Variants in DAB1 observed in about 807,000 individuals in gnomAD.
DAB1 encodes disabled homolog 1.
Under a neutral mutation model 64.6 loss-of-function variants are expected in DAB1, and 15 were observed. The observed-to-expected ratio is 0.23, with a 90% CI of 0.16 to 0.36. The LOEUF is 0.36. Among genes scored for constraint, DAB1 ranks in the 10% least tolerant of loss-of-function variants. The pLI is 1.00. For synonymous variants in DAB1, 235 were observed against 251.9 expected (o/e 0.93, Z 0.64); for missense variants, 596 against 706.7 (o/e 0.84, Z 1.78).
chr1:58,326,859 A>G (rs1426941260), intron 4 of DAB1, among the ~76,000 whole-genome samples: 1 of 151,798 alleles, frequency 6.6e-6, no homozygotes, highest in Non-Finnish European at 1.5e-5. Context: ...CATCCCAGAC[A>G]CTCTGCCAGA....
intron 5 of DAB1, among the ~76,000 whole-genome samples, chr1:58,030,400 A>C (rs144026934): frequency 4.6e-5 from 7 of 152,294 alleles, no homozygotes; most frequent in African/African-American, 1.7e-4. Flanking sequence ...ATTATTTTTA[A>C]GGTGAGGAGG....
chr1:58,011,265 A>C (rs1469376180), intron 5 of DAB1, among the ~76,000 whole-genome samples: 1 of 152,226 alleles, frequency 6.6e-6, no homozygotes, highest in Non-Finnish European at 1.5e-5. Context: ...GGTGGTAATA[A>C]GTATTCTTGT....
At chr1:57,927,121 C>T (rs1162058228) in intron 5 of DAB1, among the ~76,000 whole-genome samples, 1 of 152,154 alleles carries the variant, frequency 6.6e-6, no homozygotes, top group Non-Finnish European at 1.5e-5. Flanking sequence ...ATGATGACCA[C>T]CTTATGACCA....
chr1:57,488,616 C>T (rs974541295), intron 7 of DAB1, among the ~76,000 whole-genome samples: 7 of 151,568 alleles, frequency 4.6e-5, no homozygotes, highest in Non-Finnish European at 7.4e-5. Flanking sequence ...GTGGAGGTTG[C>T]GGTGAGCCAA....
At chr1:57,984,893 GA>G (rs1215191321) in intron 5 of DAB1, among the ~76,000 whole-genome samples, 3 of 149,582 alleles carry the variant, frequency 2.0e-5, no homozygotes, top group Non-Finnish European at 3.0e-5. Flanking sequence ...AAATTGCATT[GA>G]AAACCTGCTT....
chr1:58,440,888 G>A (rs778664260), intron 3 of DAB1, among the ~76,000 whole-genome samples: 1 of 152,188 alleles, frequency 6.6e-6, no homozygotes, highest in Non-Finnish European at 1.5e-5. Flanking sequence ...GTAACATCAA[G>A]AAAAGGGAAG....
intron 6 of DAB1, among the ~76,000 whole-genome samples, chr1:57,681,503 A>G (rs112969251): frequency 9.8e-5 from 15 of 152,296 alleles, no homozygotes; most frequent in African/African-American, 3.6e-4. Flanking sequence ...ATATTAGGAA[A>G]AGTGAATGGA....
At chr1:58,457,574 G>C (rs565351950) in intron 3 of DAB1, among the ~76,000 whole-genome samples, 265 of 152,292 alleles carry the variant, frequency 1.7e-3, no homozygotes, top group African/African-American at 6.3e-3. Flanking sequence ...AACACGGAAG[G>C]CAGTTCGTTG....
intron 4 of DAB1, among the ~76,000 whole-genome samples, chr1:58,234,175 C>T (rs2100358852): frequency 6.6e-6 from 1 of 152,334 alleles, no homozygotes; most frequent in South Asian, 2.1e-4. Flanking sequence ...CGTTCTTTTC[C>T]TAACTCATGC....
chr1:57,038,108 C>T (rs908476725), intron 9 of DAB1, among the ~76,000 whole-genome samples: 1 of 152,154 alleles, frequency 6.6e-6, no homozygotes, highest in African/African-American at 2.4e-5. Context: ...AATAAACTTC[C>T]AGTTAATGGG....
At chr1:57,058,837 A>C (rs1268699288) in intron 9 of DAB1, among the ~76,000 whole-genome samples, 2 of 152,244 alleles carry the variant, frequency 1.3e-5, no homozygotes, top group Non-Finnish European at 2.9e-5. Flanking sequence ...AGCGGGAACT[A>C]TATTTCAGGC....
At chr1:57,431,145 A>ACACAC in intron 7 of DAB1, among the ~76,000 whole-genome samples, 5 of 121,200 alleles carry the variant, frequency 4.1e-5, no homozygotes, top group Middle Eastern at 8.5e-3. Context: ...GCCAAAAACA[A>ACACAC]AAAAAAAAAA....
intron 2 of DAB1, among the ~76,000 whole-genome samples, chr1:57,269,316 G>C (rs778633995): frequency 6.6e-6 from 1 of 152,100 alleles, no homozygotes; most frequent in Non-Finnish European, 1.5e-5. Flanking sequence ...AAGCACCCCA[G>C]ACCTGTCTAA....
At chr1:57,685,376 A>G (rs192015603) in intron 6 of DAB1, among the ~76,000 whole-genome samples, 1 of 152,266 alleles carries the variant, frequency 6.6e-6, no homozygotes, top group Admixed American at 6.5e-5. Context: ...TCCTAAATAT[A>G]CATGCACTCA....
intron 3 of DAB1, among the ~76,000 whole-genome samples, chr1:58,369,832 G>C (rs775219723): frequency 3.3e-4 from 50 of 152,058 alleles, no homozygotes; most frequent in Non-Finnish European, 6.0e-4. Context: ...GAATCTTCTT[G>C]GTTTATTTTT....
intron 2 of DAB1, among the ~76,000 whole-genome samples, chr1:57,155,247 T>A (rs1660097908): frequency 6.6e-6 from 1 of 152,228 alleles, no homozygotes; most frequent in African/African-American, 2.4e-5. Flanking sequence ...TGCATATGGA[T>A]ATCCAATTTT....
intron 5 of DAB1, among the ~76,000 whole-genome samples, chr1:57,991,372 C>T (rs887278297): frequency 2.0e-5 from 3 of 152,130 alleles, no homozygotes; most frequent in African/African-American, 7.2e-5. Flanking sequence ...CAACAAGCAT[C>T]GACTAATATA....
chr1:57,053,097 C>T (rs372802451), intron 9 of DAB1, among the ~76,000 whole-genome samples: 7 of 152,300 alleles, frequency 4.6e-5, no homozygotes, highest in East Asian at 3.9e-4. Flanking sequence ...ATGTCAGTAG[C>T]GGATGGCCGC....
At chr1:57,989,506 C>T (rs1646296536) in intron 5 of DAB1, among the ~76,000 whole-genome samples, 1 of 152,158 alleles carries the variant, frequency 6.6e-6, no homozygotes, top group Admixed American at 6.5e-5. Flanking sequence ...TAAAGTTCTT[C>T]CCACCCCATG....
Sources: gnomAD v4.1 joint callset for allele counts (sites outside exome capture counted in the v4.1 genomes callset) on GRCh38, gnomAD v4.1.1 for gene constraint, MANE v1.5 for transcripts, NCBI Gene and HGNC (gene_info 2026-07-23, HGNC 2026-07-21) for gene names.